PPP2R3A: variants seen among roughly 807,000 people sequenced by gnomAD.
The protein encoded by PPP2R3A is protein phosphatase 2 regulatory subunit B''alpha.
A neutral mutation model predicts 106.9 loss-of-function variants in PPP2R3A; 80 were observed. That is an observed-to-expected ratio of 0.75 (90% CI 0.62 to 0.90). PPP2R3A has a LOEUF of 0.90. Among genes scored for constraint, PPP2R3A ranks in the 40% least tolerant of loss-of-function variants. The probability of loss-of-function intolerance (pLI) is 0.00; values close to 1 mark genes in which losing one functional copy is unlikely to be tolerated. For synonymous variants in PPP2R3A, 483 were observed against 468.3 expected (o/e 1.03, Z -0.41); for missense variants, 1,386 against 1,350.4 (o/e 1.03, Z -0.41).
At chr3:136,080,173 G>A (rs187986176) in intron 7 of PPP2R3A, among the ~76,000 whole-genome samples, 1 of 152,232 alleles carries the variant, frequency 6.6e-6, no homozygotes, top group East Asian at 1.9e-4. Context: ...ACTTAACAGT[G>A]TCTCAGGGTT....
chr3:136,040,789 G>A (rs1354213073), intron 3 of PPP2R3A, 70 bp from the exon 4 acceptor site: 1 of 1,339,688 alleles, frequency 7.5e-7, no homozygotes, highest in East Asian at 2.5e-5. Context: ...AAGCCACAAA[G>A]ATCTTTTCTT....
At chr3:136,032,530 A>G (rs75956339) in intron 3 of PPP2R3A, among the ~76,000 whole-genome samples, 1 of 143,888 alleles carries the variant, frequency 6.9e-6, no homozygotes, top group East Asian at 2.0e-4. Flanking sequence ...TTATTTATTT[A>G]TTTTTTTTTT....
At chr3:136,121,983 C>T (rs1386493589) in intron 13 of PPP2R3A, among the ~76,000 whole-genome samples, 4 of 151,760 alleles carry the variant, frequency 2.6e-5, no homozygotes, top group Non-Finnish European at 5.9e-5. Context: ...TTAAGATAAC[C>T]TTTAAGCAAA....
At chr3:136,142,801 T>C (rs369617251) in intron 13 of PPP2R3A, among the ~76,000 whole-genome samples, 21 of 152,158 alleles carry the variant, frequency 1.4e-4, no homozygotes, top group East Asian at 9.7e-4. Context: ...TCTGAAAATA[T>C]GCGTTATTCA....
Position 136,086,132 on chromosome 3 carries a change from G to GA in PPP2R3A, c.2789-1740dup, listed in dbSNP as rs879621047. Among the ~76,000 whole-genome samples the GA allele has an allele frequency of 2.2e-3, 297 of 137,424 alleles. 1 individual carries two copies. In the Middle Eastern group the frequency reaches 0.026, roughly 12 times the overall value. 90.2% of individuals were successfully genotyped at this position (137,424 alleles called of 152,430 possible). A position where few individuals can be genotyped will look rare whatever the true frequency, so the allele number is the denominator to read the frequency against. ...AGCGACAGGGAGACCCTGTCTCAAA[G>GA]AAAAAAAAAAAGGTTTGTTGTATAT... is the stretch of plus-strand genomic sequence containing the variant. On this transcript the variant is annotated intron_variant, in intron 8 of 13. Transcript: ENST00000264977.
chr3:136,103,415 T>C, intron 12 of PPP2R3A, 39 bp downstream of exon 12: 2 of 1,385,310 alleles, frequency 1.4e-6, no homozygotes, highest in South Asian at 1.2e-5. Context: ...AGGGCTGCAG[T>C]GTCAGGGGCT....
At position 136,038,445 on chromosome 3, in the gene PPP2R3A, G is replaced by C. The variant is rs182800149; in HGVS notation, c.2263-2414G>C. On this transcript the variant is annotated intron_variant, in intron 3 of 13. Transcript: ENST00000264977. The stretch of plus-strand genomic sequence containing the variant: ...GTCTTCTGGAGAAAAGACTGTAAGA[G>C]AATGAAATTTGCTTAGTTAGTGGAA... Among the ~76,000 whole-genome samples, 4 of 152,276 alleles carry C rather than the reference G, an allele frequency of 2.6e-5. No individual in the cohort carries two copies. The East Asian group carries it at 5.8e-4, about 22-fold the overall frequency.
At chr3:136,114,938 A>G (rs1937685681) in intron 13 of PPP2R3A, among the ~76,000 whole-genome samples, 2 of 152,148 alleles carry the variant, frequency 1.3e-5, no homozygotes, top group African/African-American at 4.8e-5. Context: ...CTGCCTCCTC[A>G]AGTGGGTCCC....
chr3:136,049,798 G>A (rs1935617581), intron 5 of PPP2R3A, among the ~76,000 whole-genome samples: 1 of 152,190 alleles, frequency 6.6e-6, no homozygotes, highest in African/African-American at 2.4e-5. Flanking sequence ...GAACTCTGGG[G>A]TCTTCACTCA....
chr3:136,129,515 G>T (rs1003064927), intron 13 of PPP2R3A, among the ~76,000 whole-genome samples: 5 of 152,110 alleles, frequency 3.3e-5, no homozygotes. Flanking sequence ...TGAAATTGAG[G>T]CAATAATTAA....
chr3:136,107,402 CTA>C (rs911872295), intron 13 of PPP2R3A, among the ~76,000 whole-genome samples: 1 of 145,546 alleles, frequency 6.9e-6, no homozygotes, highest in African/African-American at 2.5e-5. Flanking sequence ...CTCCACCTAT[CTA>C]TGTATATTTA....
intron 13 of PPP2R3A, among the ~76,000 whole-genome samples, chr3:136,144,596 G>T (rs574189416): frequency 2.0e-5 from 3 of 152,096 alleles, no homozygotes; most frequent in Admixed American, 2.0e-4. Context: ...GGGAGGCAGA[G>T]GTTGCAGTGA....
chr3:135,968,123 A>C (rs76479875), intron 1 of PPP2R3A, among the ~76,000 whole-genome samples: 2 of 152,204 alleles, frequency 1.3e-5, no homozygotes, highest in Non-Finnish European at 2.9e-5. Flanking sequence ...GAGGGCGGGA[A>C]CAGTTATTTA....
chr3:136,039,228 A>C (rs1213621119), intron 3 of PPP2R3A, among the ~76,000 whole-genome samples: 5 of 152,220 alleles, frequency 3.3e-5, no homozygotes, highest in Non-Finnish European at 7.3e-5. Context: ...TTTCCTCTGT[A>C]GAATGATGAG....
At chr3:136,063,309 C>T (rs1206439027) in intron 5 of PPP2R3A, among the ~76,000 whole-genome samples, 2 of 152,130 alleles carry the variant, frequency 1.3e-5, no homozygotes, top group East Asian at 3.8e-4. Context: ...GACCTAAAAC[C>T]ATAAAAACCT....
chr3:136,032,813 C>T (rs1361121119), intron 3 of PPP2R3A, among the ~76,000 whole-genome samples: 3 of 152,164 alleles, frequency 2.0e-5, no homozygotes, highest in Non-Finnish European at 4.4e-5. Flanking sequence ...GGATTATAGG[C>T]GTGAGCCACC....
intron 13 of PPP2R3A, among the ~76,000 whole-genome samples, chr3:136,118,043 T>A (rs1937844626): frequency 6.6e-6 from 1 of 152,190 alleles, no homozygotes; most frequent in Non-Finnish European, 1.5e-5. Context: ...CAAGTGGGCC[T>A]CATCCCTGGG....
chr3:136,029,765 T>C (rs565628439), intron 3 of PPP2R3A, among the ~76,000 whole-genome samples: 1 of 152,370 alleles, frequency 6.6e-6, no homozygotes, highest in African/African-American at 2.4e-5. Flanking sequence ...TCTGATTAAC[T>C]TGTCTGAATT....
At chr3:136,022,519 G>A (rs1934500968) in intron 2 of PPP2R3A, among the ~76,000 whole-genome samples, 1 of 152,000 alleles carries the variant, frequency 6.6e-6, no homozygotes, top group South Asian at 2.1e-4. Context: ...CAAATTCGAA[G>A]TTCAGTAGCC....
Sources: allele counts gnomAD v4.1 joint callset (sites outside exome capture counted in the v4.1 genomes callset), GRCh38; gene constraint gnomAD v4.1.1; transcripts MANE v1.5; gene names NCBI Gene and HGNC (gene_info 2026-07-23, HGNC 2026-07-21).